CSGALNACT1: variants seen among roughly 807,000 people sequenced by gnomAD.
CSGALNACT1 encodes chondroitin sulfate N-acetylgalactosaminyltransferase 1, also known as beta4GalNAcT-1.
CSGALNACT1 carries 52 observed loss-of-function variants against 51.0 expected under a neutral mutation model. The ratio of observed to expected loss-of-function variants is 1.02; its 90% CI spans 0.82 to 1.29. The LOEUF is 1.29. Ranked by LOEUF, CSGALNACT1 falls within the 50% of genes most tolerant of loss-of-function variation. The probability of loss-of-function intolerance (pLI) is 0.00; values close to 1 mark genes in which losing one functional copy is unlikely to be tolerated. For synonymous variants in CSGALNACT1, 341 were observed against 254.4 expected (o/e 1.34, Z -3.24); for missense variants, 935 against 679.2 (o/e 1.38, Z -4.19).
intron 2 of CSGALNACT1, among the ~76,000 whole-genome samples, chr8:19,600,285 T>C (rs529342767): frequency 6.6e-6 from 1 of 152,186 alleles, no homozygotes; most frequent in East Asian, 1.9e-4. Flanking sequence ...TTTCACCATA[T>C]TGGCCAGGCT....
At chr8:19,428,354 G>C (rs939267044) in intron 6 of CSGALNACT1, among the ~76,000 whole-genome samples, 5 of 152,170 alleles carry the variant, frequency 3.3e-5, no homozygotes, top group Admixed American at 6.5e-5. Flanking sequence ...GGCAGAAGAG[G>C]AGCAAAGTCA....
chr8:19,408,718 G>A lies in CSGALNACT1; in HGVS notation c.1228-24C>T, dbSNP rs2054892448. On this transcript the variant is annotated intron_variant, in intron 8 of 9. Coordinates refer to ENST00000454498, the Ensembl canonical transcript of CSGALNACT1. ...ACCTGCAAGAAAAGCACTGTCATTT[G>A]AGGGGAAAGTTTAGGGTGGACAAAA... The A allele has an allele frequency of 8.1e-6, 13 of 1,609,788 alleles. No individual in the cohort carries two copies. The East Asian group carries it at 2.9e-4, about 36-fold the overall frequency.
chr8:19,599,965 T>G (rs1370046796), intron 2 of CSGALNACT1, among the ~76,000 whole-genome samples: 1 of 152,192 alleles, frequency 6.6e-6, no homozygotes, highest in Non-Finnish European at 1.5e-5. Context: ...ATTCAAACAT[T>G]TAGTAGCATT....
chr8:19,482,452 T>C (rs983076972), intron 4 of CSGALNACT1, among the ~76,000 whole-genome samples: 2 of 152,076 alleles, frequency 1.3e-5, no homozygotes, highest in Non-Finnish European at 2.9e-5. Context: ...CTCTCCCCAA[T>C]CCAGGCCAGC....
intron 3 of CSGALNACT1, among the ~76,000 whole-genome samples, chr8:19,513,702 C>G (rs936098540): frequency 6.6e-6 from 1 of 151,922 alleles, no homozygotes; most frequent in Non-Finnish European, 1.5e-5. Flanking sequence ...CTACCGCACA[C>G]CTGGGCCATA....
At chr8:19,604,875 ACTGCC>A (rs1265092218), upstream of CSGALNACT1, among the ~76,000 whole-genome samples, 1 of 148,364 alleles carries the variant, frequency 6.7e-6, no homozygotes, top group Non-Finnish European at 1.5e-5. Flanking sequence ...AGATCGCGCC[ACTGCC>A]CTCCAGCCTG....
At chr8:19,492,531 C>T (rs145296738) in intron 4 of CSGALNACT1, among the ~76,000 whole-genome samples, 3 of 152,206 alleles carry the variant, frequency 2.0e-5, no homozygotes, top group Admixed American at 6.5e-5. Context: ...GCCATCTACC[C>T]TGCTGGAGCT....
chr8:19,533,825 G>A (rs1003966045), intron 3 of CSGALNACT1, among the ~76,000 whole-genome samples: 3 of 152,090 alleles, frequency 2.0e-5, no homozygotes, highest in African/African-American at 7.2e-5. Context: ...AACATATGCA[G>A]TCTAATTGGG....
intron 1 of CSGALNACT1, among the ~76,000 whole-genome samples, chr8:19,756,682 C>T (rs1304438954): frequency 6.6e-6 from 1 of 152,140 alleles, no homozygotes; most frequent in African/African-American, 2.4e-5. Flanking sequence ...CCCCCACTAG[C>T]CCGGTCCCGG....
intron 1 of CSGALNACT1, among the ~76,000 whole-genome samples, chr8:19,637,789 C>T (rs1038075296): frequency 6.6e-6 from 1 of 151,578 alleles, no homozygotes; most frequent in Non-Finnish European, 1.5e-5. Flanking sequence ...AAATTACAAC[C>T]TGAGAATTAT....
At chr8:19,594,580 A>G (rs1428401240) in intron 2 of CSGALNACT1, among the ~76,000 whole-genome samples, 6 of 152,130 alleles carry the variant, frequency 3.9e-5, no homozygotes, top group Admixed American at 3.9e-4. Context: ...TCGTGACTCA[A>G]ATTAGTCACA....
At chr8:19,550,997 T>A (rs4922060) in intron 3 of CSGALNACT1, among the ~76,000 whole-genome samples, 25,117 of 152,180 alleles carry the variant, frequency 0.17, 2,191 homozygotes, top group African/African-American at 0.21. Context: ...TATTCTGACT[T>A]CCCAGCAATC....
intron 5 of CSGALNACT1, among the ~76,000 whole-genome samples, chr8:19,456,636 A>G (rs963949842): frequency 2.0e-5 from 3 of 152,258 alleles, no homozygotes; most frequent in African/African-American, 4.8e-5. Context: ...GAAAGAAGCC[A>G]AAACTATAAA....
At chr8:19,646,360 A>G in intron 1 of CSGALNACT1, among the ~76,000 whole-genome samples, 1 of 152,230 alleles carries the variant, frequency 6.6e-6, no homozygotes. Context: ...GAAAAGTTAA[A>G]GGGCAATTCT....
chr8:19,619,759 C>A (rs1324453287), intron 1 of CSGALNACT1, among the ~76,000 whole-genome samples: 3 of 152,104 alleles, frequency 2.0e-5, no homozygotes, highest in African/African-American at 7.2e-5. Flanking sequence ...ACTTTGAGTT[C>A]CAAATACTGA....
intron 3 of CSGALNACT1, 114 bp from the exon 3 acceptor site, chr8:19,506,244 G>C (rs2077305679): frequency 2.6e-6 from 1 of 383,374 alleles, no homozygotes; most frequent in Non-Finnish European, 5.1e-6. Context: ...AAATGCCTAT[G>C]ATAGATGATT....
At chr8:19,609,699 G>T (rs377577772) in intron 1 of CSGALNACT1, among the ~76,000 whole-genome samples, 1 of 152,020 alleles carries the variant, frequency 6.6e-6, no homozygotes, top group African/African-American at 2.4e-5. Flanking sequence ...AAGCAGGAGG[G>T]TCAGATTACT....
At chr8:19,589,175 G>C (rs552733096) in intron 3 of CSGALNACT1, among the ~76,000 whole-genome samples, 1 of 152,128 alleles carries the variant, frequency 6.6e-6, no homozygotes, top group African/African-American at 2.4e-5. Context: ...CAGTAGGCTG[G>C]GTAAAGCAGT....
At chr8:19,666,686 A>G (rs760211644) in intron 1 of CSGALNACT1, among the ~76,000 whole-genome samples, 9 of 150,160 alleles carry the variant, frequency 6.0e-5, no homozygotes, top group African/African-American at 2.2e-4. Flanking sequence ...TGACAAACCA[A>G]GACTGTCCCG....
Sources: gnomAD v4.1 joint callset for allele counts (sites outside exome capture counted in the v4.1 genomes callset) on GRCh38, gnomAD v4.1.1 for gene constraint, MANE v1.5 for transcripts, NCBI Gene and HGNC (gene_info 2026-07-23, HGNC 2026-07-21) for gene names.